The following EMC9 variants were observed in gnomAD, a reference collection of about 807,000 sequenced individuals.
EMC9 encodes ER membrane protein complex subunit 9.
A neutral mutation model predicts 25.0 loss-of-function variants in EMC9; 20 were observed. The ratio of observed to expected loss-of-function variants is 0.80; its 90% CI spans 0.56 to 1.16. The LOEUF is 1.16. Among genes scored for constraint, EMC9 ranks in the 50% most tolerant of loss-of-function variants. The pLI is 0.00. For synonymous variants in EMC9, 100 were observed against 107.0 expected, an observed-to-expected ratio of 0.93 and a Z score of 0.40; for missense variants, 256 against 268.7, an observed-to-expected ratio of 0.95 and a Z score of 0.33.
Position 24,139,815 on chromosome 14 carries a change from T to G in EMC9, c.276-201A>C, listed in dbSNP as rs2038008624. ...CTGTGGGAGACAGGTGCTCAGATAT[T>G]GCTGGTGAGAGTGGAAACCAAAGGT... On this transcript the variant is annotated intron_variant, in intron 3 of 5. Transcript: ENST00000216799. The surrounding 1 kb of genome is among the most constrained non-coding windows in gnomAD (Gnocchi z 4.6). 6.6e-7 allele frequency: 1 copy of G among 1,507,286 alleles called. No homozygotes were observed. The highest frequency in any genetic ancestry group is 1.4e-5 in the African/African-American group (1 of 72,232). 93.4% of individuals were successfully genotyped at this position (1,507,286 alleles called of 1,614,324 possible). A position where few individuals can be genotyped will look rare whatever the true frequency, so the allele number is the denominator to read the frequency against.
rs367861112 is a variant in EMC9 at position 24,139,738 on chromosome 14, C to T, written c.276-124G>A. 2,332 of 1,547,376 alleles carry T rather than the reference C, an allele frequency of 1.5e-3. 40 individuals are homozygous for T. The South Asian group carries it at 0.026, about 17-fold the overall frequency. On this transcript the variant is annotated intron_variant, in intron 3 of 5. Coordinates refer to ENST00000216799, the MANE Select transcript of EMC9 (RefSeq NM_016049.4). This position sits in a 1 kb window ranked among gnomAD's most constrained non-coding sequence, Gnocchi z 4.6. The stretch of plus-strand genomic sequence containing the variant: ...GTGGCCTTTCCCTGTAGGTGGCCTG[C>T]GGGGATCGGGCCTGCTGGATGCTTG...
At chr14:24,141,350 G>C in intron 1 of EMC9, 34 bp from the exon 2 acceptor site, 1 of 1,600,328 alleles carries the variant, frequency 6.2e-7, no homozygotes, top group East Asian at 2.2e-5. Flanking sequence ...ATTAGTACCG[G>C]ATTAGGCGAG....
chr14:24,141,501 C>A lies in EMC9; in HGVS notation c.-76G>T. 1 of 637,748 alleles carries A rather than the reference C, an allele frequency of 1.6e-6. No individual in the cohort carries two copies. Among genetic ancestry groups the A allele is most frequent in the South Asian group, 1.9e-5 (1 of 53,804 alleles). 39.5% of individuals were successfully genotyped at this position (637,748 alleles called of 1,614,324 possible). On this transcript the variant is annotated 5_prime_UTR_variant, in exon 1 of 6. Coordinates refer to ENST00000216799, the MANE Select transcript of EMC9 (RefSeq NM_016049.4). ...CCCGCCGGCTCCCGGCGCCCTGGGT[C>A]CCGGAGTCCGCCCCCGGCCCAGTCC...
At position 24,141,540 on chromosome 14, in the gene EMC9, G is replaced by T. The variant is rs1025428381; in HGVS notation, c.-115C>A. ...CCGGCCCAGTCCAGGAGGAGGTCCCGATTGCATCCGAGCCCCGCCTTCCCG... is the reference window on the plus strand; with the variant it reads ...CCGGCCCAGTCCAGGAGGAGGTCCCTATTGCATCCGAGCCCCGCCTTCCCG... On this transcript the variant is annotated 5_prime_UTR_variant, in exon 1 of 6. It introduces an in-frame stop codon into an upstream open reading frame of the 5' UTR. Coordinates refer to ENST00000216799, the MANE Select transcript of EMC9 (RefSeq NM_016049.4). 1 of 596,910 alleles carries T rather than the reference G, an allele frequency of 1.7e-6. No homozygotes were observed. The highest frequency in any genetic ancestry group is 3.0e-6 in the Non-Finnish European group (1 of 335,290). 37.0% of individuals were successfully genotyped at this position (596,910 alleles called of 1,614,324 possible). A position where few individuals can be genotyped will look rare whatever the true frequency, so the allele number is the denominator to read the frequency against.
chr14:24,141,147 T>G lies in EMC9; in HGVS notation c.158A>C (p.His53Pro). ...CTCCAACATGACGGACAGGGCCAGG[T>G]GGCTGTGGAAGAGGGGCACACAGTC... Reference protein sequence around the residue: ...LTDCVPLFHSHLALSVMLEVA... With the variant: ...LTDCVPLFHSPLALSVMLEVA... Residue 53 changes from histidine (H) to proline (P), a missense_variant, in exon 2 of 6, where the codon CAC becomes CCC. Coordinates refer to ENST00000216799, the MANE Select transcript of EMC9 (RefSeq NM_016049.4). 6.2e-7 allele frequency: 1 copy of G among 1,614,066 alleles called. No individual in the cohort carries two copies. Among genetic ancestry groups the G allele is most frequent in the Non-Finnish European group, 8.5e-7 (1 of 1,180,024 alleles).
At position 24,141,111 on chromosome 14, in the gene EMC9, TTGAG is replaced by T. The variant is rs766768109; in HGVS notation, c.190_193del (p.Leu64ThrfsTer24). On this transcript the variant is annotated frameshift_variant, in exon 2 of 6. Coordinates refer to ENST00000216799, the MANE Select transcript of EMC9 (RefSeq NM_016049.4). LOFTEE classifies it high-confidence loss of function. ...ATGGGCATCCAACGGAGGCACCTGGTTGAGGGCGACCTCCAACATGACGGACAGG... is the reference window on the plus strand; with the variant it reads ...ATGGGCATCCAACGGAGGCACCTGGTGGCGACCTCCAACATGACGGACAGG... 2 of 1,613,936 alleles carry T rather than the reference TTGAG, an allele frequency of 1.2e-6. No individual in the cohort carries two copies. Among genetic ancestry groups the T allele is most frequent in the South Asian group, 2.2e-5 (2 of 91,090 alleles).
Position 24,141,336 on chromosome 14 carries a change from C to G in EMC9, c.-12-20G>C. On this transcript the variant is annotated intron_variant, in intron 1 of 5. Coordinates refer to ENST00000216799, the MANE Select transcript of EMC9 (RefSeq NM_016049.4). The stretch of plus-strand genomic sequence containing the variant: ...CGAGGCCTGGACGGGAAGCAGCAAG[C>G]CGGATTAGTACCGGATTAGGCGAGC... 6.2e-7 allele frequency: 1 copy of G among 1,611,650 alleles called. No homozygotes were observed. The highest frequency in any genetic ancestry group is 1.1e-5 in the South Asian group (1 of 91,016).
intron 3 of EMC9, 76 bp downstream of exon 3, chr14:24,140,813 C>G (rs563903832): frequency 2.7e-6 from 4 of 1,454,804 alleles, no homozygotes; most frequent in Admixed American, 3.6e-5. Flanking sequence ...CACCGCCCCA[C>G]GCATCCTCGC....
chr14:24,139,362 G>A lies in EMC9; in HGVS notation c.438C>T (p.Asn146=), dbSNP rs1171345465. 9.3e-6 allele frequency: 15 copies of A among 1,614,100 alleles called. No homozygotes were observed. The highest frequency in any genetic ancestry group is 1.7e-5 in the Admixed American group (1 of 59,998). The stretch of plus-strand genomic sequence containing the variant: ...GGTAGAGGGAGTGGGGTACTCACAA[G>A]TTCTTATCCTTAGGGACCCAGCGGA... ...QGLRWVPKDK[N]LVMWRDWEES... Residue 146 remains asparagine, a splice_region_variant and synonymous_variant, in exon 5 of 6, where the codon AAC becomes AAT. Transcript: ENST00000216799. This position sits in a 1 kb window ranked among gnomAD's most constrained non-coding sequence, Gnocchi z 4.6.
chr14:24,140,918 G>A lies in EMC9; in HGVS notation c.246C>T (p.Tyr82=), dbSNP rs1269118100. Residue 82 remains tyrosine, a synonymous_variant, in exon 3 of 6, where the codon TAC becomes TAT. Transcript: ENST00000216799. ...GATCGTTCACAGCTGCATTGGCATG[G>A]TAGTAACCAGCCACCACCAGACCGG... ...AQAGLVVAGY[Y]HANAAVNDQS... 2 of 1,614,202 alleles carry A rather than the reference G, an allele frequency of 1.2e-6. No individual in the cohort carries two copies. Among genetic ancestry groups the A allele is most frequent in the East Asian group, 2.2e-5 (1 of 44,884 alleles).
rs1345703871 is a variant in EMC9, at chr14:24,139,327, TC to T, written c.440+32del. ...AGAGGAGACCCAGGAGCCTTGGGCTTCTAAGAAGAGGTAGAGGGAGTGGGGT... is the reference window on the plus strand; with the variant it reads ...AGAGGAGACCCAGGAGCCTTGGGCTTTAAGAAGAGGTAGAGGGAGTGGGGT... On this transcript the variant is annotated intron_variant, in intron 5 of 5. Coordinates refer to ENST00000216799, the MANE Select transcript of EMC9 (RefSeq NM_016049.4). The surrounding 1 kb of genome is among the most constrained non-coding windows in gnomAD (Gnocchi z 4.6). 13 of 1,610,098 alleles carry T rather than the reference TC, an allele frequency of 8.1e-6. No homozygotes were observed. Among genetic ancestry groups the T allele is most frequent in the Non-Finnish European group, 1.1e-5 (13 of 1,177,608 alleles).
rs2038045376 is a variant in EMC9, at chr14:24,140,983, C to T, written c.199-18G>A. The T allele has an allele frequency of 1.9e-6, 3 of 1,614,228 alleles. No homozygotes were observed. Among genetic ancestry groups the T allele is most frequent in the Non-Finnish European group, 2.5e-6 (3 of 1,180,040 alleles). On this transcript the variant is annotated intron_variant, in intron 2 of 5. Transcript: ENST00000216799. ...ACATCCACCTGTCGTAGGAAAGGGGCCATCAGTAATTAAATTGTGCCGCTG... is the reference window on the plus strand; with the variant it reads ...ACATCCACCTGTCGTAGGAAAGGGGTCATCAGTAATTAAATTGTGCCGCTG...
chr14:24,140,101 C>T (rs1021883339), intron 3 of EMC9: 12 of 248,126 alleles, frequency 4.8e-5, no homozygotes, highest in African/African-American at 1.4e-4. Flanking sequence ...GAGGGAGAAA[C>T]GCAAATTACA....
At chr14:24,140,787 GCGCCCC>G in intron 3 of EMC9, 96 bp downstream of exon 3, 1 of 1,295,986 alleles carries the variant, frequency 7.7e-7, no homozygotes, top group South Asian at 1.3e-5. Context: ...TTCATCTTGT[GCGCCCC>G]CGCCCCGCCC....
chr14:24,140,171 C>T (rs1415125728), intron 3 of EMC9: 2 of 150,394 alleles, frequency 1.3e-5, no homozygotes, highest in Admixed American at 6.6e-5. Flanking sequence ...ATATATATGT[C>T]TTTTCCTATA....
At chr14:24,141,023 C>A in intron 2 of EMC9, 58 bp from the exon 3 acceptor site, 1 of 1,613,882 alleles carries the variant, frequency 6.2e-7, no homozygotes, top group Non-Finnish European at 8.5e-7. Flanking sequence ...TGTGGATGCG[C>A]ACTGCTGCCA....
In EMC9 at chr14:24,139,380, C is replaced by A; in HGVS notation, c.420G>T (p.Trp140Cys). The change falls in exon 5 of 6, where the codon TGG becomes TGT. Residue 140 changes from tryptophan to cysteine, a missense_variant. Transcript: ENST00000216799. The surrounding 1 kb of genome is among the most constrained non-coding windows in gnomAD (Gnocchi z 4.6). The part of the protein sequence containing the change: ...VIVLENQGLR[W>C]VPKDKNLVMW... ...CTCACAAGTTCTTATCCTTAGGGAC[C>A]CAGCGGAGACCTTGGTTCTCCAGGA... 1.2e-6 allele frequency: 2 copies of A among 1,614,076 alleles called. No homozygotes were observed. Among genetic ancestry groups the A allele is most frequent in the Non-Finnish European group, 1.7e-6 (2 of 1,180,024 alleles).
At chr14:24,140,856 T>C (rs761946372) in intron 3 of EMC9, 33 bp downstream of exon 3, 1 of 1,531,444 alleles carries the variant, frequency 6.5e-7, no homozygotes, top group Non-Finnish European at 8.9e-7. Flanking sequence ...CCCGCCATAA[T>C]CCTTTCCTTC....
intron 1 of EMC9, 40 bp downstream of exon 1, chr14:24,141,398 G>T: frequency 7.7e-7 from 1 of 1,298,064 alleles, no homozygotes; most frequent in Non-Finnish European, 1.1e-6. Flanking sequence ...TCCCTCCAGC[G>T]CTTCGGCACG....
Sources: gnomAD v4.1 joint callset for allele counts on GRCh38, gnomAD v4.1.1 for gene constraint, Gnocchi (gnomAD v3.1) non-coding constraint, MANE v1.5 for transcripts, NCBI Gene and HGNC (gene_info 2026-07-23, HGNC 2026-07-21) for gene names.